Variants in TENM2 observed in about 807,000 individuals in gnomAD.
The protein encoded by TENM2 is teneurin-2.
TENM2 carries 52 observed loss-of-function variants against 245.2 expected under a neutral mutation model. That is an observed-to-expected ratio of 0.21 (90% CI 0.17 to 0.27). The LOEUF (loss-of-function observed/expected upper bound fraction) is 0.27. Among genes scored for constraint, TENM2 ranks in the 10% least tolerant of loss-of-function variants. TENM2 has a pLI of 1.00. For synonymous variants in TENM2, 1,363 were observed against 1,438.9 expected, an observed-to-expected ratio of 0.95 and a Z score of 1.19; for missense variants, 3,046 against 3,666.8, an observed-to-expected ratio of 0.83 and a Z score of 4.37.
chr5:167,446,946 T>C (rs929045042), intron 2 of TENM2, among the ~76,000 whole-genome samples: 1 of 152,176 alleles, frequency 6.6e-6, no homozygotes, highest in Admixed American at 6.5e-5. Context: ...AATATTTGTA[T>C]AATACCAGTT....
At chr5:168,248,649 TA>T (rs1002129088) in intron 27 of TENM2, among the ~76,000 whole-genome samples, 4 of 152,202 alleles carry the variant, frequency 2.6e-5, no homozygotes, top group Non-Finnish European at 4.4e-5. Context: ...AGGAAAGCAG[TA>T]AGAAGCGGGG....
At chr5:168,054,480 A>G (rs750732) in intron 6 of TENM2, among the ~76,000 whole-genome samples, 38,478 of 152,218 alleles carry the variant, frequency 0.25, 5,774 homozygotes, top group African/African-American at 0.42. Context: ...TATTTGCAAT[A>G]GATAAAAATA....
chr5:167,186,691 G>A, the TENM2 span, among the ~76,000 whole-genome samples: 17 of 152,236 alleles, frequency 1.1e-4, no homozygotes, highest in South Asian at 1.5e-3. Context: ...TGTCCTATAT[G>A]GAGAAATAAC....
At chr5:167,598,959 C>T (rs1776414855) in intron 2 of TENM2, among the ~76,000 whole-genome samples, 2 of 152,076 alleles carry the variant, frequency 1.3e-5, no homozygotes, top group African/African-American at 4.8e-5. Flanking sequence ...CCTAGCAAAG[C>T]CTCAAAGATT....
intron 2 of TENM2, among the ~76,000 whole-genome samples, chr5:167,812,820 C>T (rs1234469859): frequency 4.6e-5 from 7 of 152,128 alleles, no homozygotes; most frequent in African/African-American, 4.8e-5. Flanking sequence ...ATGAGAAAGG[C>T]AGTGAGAGTG....
intron 2 of TENM2, among the ~76,000 whole-genome samples, chr5:167,514,888 G>A: frequency 6.6e-6 from 1 of 152,136 alleles, no homozygotes; most frequent in Non-Finnish European, 1.5e-5. Flanking sequence ...GCGGGTGCCT[G>A]TAATTCCAGC....
intron 2 of TENM2, among the ~76,000 whole-genome samples, chr5:167,702,552 G>GTATATATATATATATATATATA (rs374895330): frequency 7.3e-6 from 1 of 136,782 alleles, no homozygotes; most frequent in African/African-American, 2.9e-5. Context: ...GTGTGTGTGT[G>GTATATATATATATATATATATA]TATATATATA....
intron 1 of TENM2, among the ~76,000 whole-genome samples, chr5:167,351,865 TAAAAC>T (rs1169616125): frequency 6.7e-6 from 1 of 148,408 alleles, no homozygotes; most frequent in African/African-American, 2.5e-5. Context: ...AAAAAAAAAA[TAAAAC>T]CACAATTTCA....
chr5:168,236,894 T>C (rs926594419), intron 25 of TENM2, among the ~76,000 whole-genome samples: 1 of 124,614 alleles, frequency 8.0e-6, no homozygotes, highest in African/African-American at 3.0e-5. Context: ...AATAGGTCTT[T>C]GGAATGAAGC....
intron 13 of TENM2, among the ~76,000 whole-genome samples, chr5:168,176,051 C>T (rs933267075): frequency 6.6e-6 from 1 of 152,228 alleles, no homozygotes; most frequent in African/African-American, 2.4e-5. Flanking sequence ...TACCTGGCCT[C>T]TCCATTCCCT....
intron 2 of TENM2, among the ~76,000 whole-genome samples, chr5:167,852,457 A>T (rs1377629453): frequency 1.3e-5 from 2 of 152,234 alleles, no homozygotes; most frequent in African/African-American, 4.8e-5. Context: ...AAAGACATTC[A>T]GCAGCTGCAA....
At chr5:167,759,794 G>C (rs774628354) in intron 2 of TENM2, among the ~76,000 whole-genome samples, 5 of 152,158 alleles carry the variant, frequency 3.3e-5, no homozygotes, top group Non-Finnish European at 7.3e-5. Context: ...CCATGAGCCT[G>C]GATGTTCCTA....
chr5:167,358,838 C>G (rs1192003381), intron 1 of TENM2, among the ~76,000 whole-genome samples: 1 of 124,216 alleles, frequency 8.1e-6, no homozygotes, highest in South Asian at 2.4e-4. Context: ...CACACACACA[C>G]ACACACACAC....
intron 2 of TENM2, among the ~76,000 whole-genome samples, chr5:167,390,354 G>T (rs773233740): frequency 8.5e-5 from 13 of 152,112 alleles, no homozygotes; most frequent in Non-Finnish European, 1.6e-4. Context: ...ACAAACCAAG[G>T]ATAGAATTGC....
At chr5:168,142,216 C>T (rs1369449914) in intron 12 of TENM2, among the ~76,000 whole-genome samples, 6 of 152,178 alleles carry the variant, frequency 3.9e-5, no homozygotes, top group South Asian at 4.1e-4. Context: ...GGAGTTTGGC[C>T]ACTAGAGTTT....
Position 167,321,799 on chromosome 5 carries a change from T to TTTTTTTTGG in TENM2, c.226+36738_226+36739insTTTTTGGTT, listed in dbSNP as rs1361021247. 6.8e-4 allele frequency among the ~76,000 whole-genome samples: 13 copies of TTTTTTTTGG among 19,236 alleles called. 1 individual carries two copies. The highest frequency in any genetic ancestry group is 1.7e-3 in the African/African-American group (9 of 5,408). 12.6% of individuals were successfully genotyped at this position (19,236 alleles called of 152,430 possible). On this transcript the variant is annotated intron_variant, in intron 1 of 28. Transcript: ENST00000518659. ...TGCCTTGGCTTATTTTTTTTTTTTT[T>TTTTTTTTGG]TTGGGGGGGGGGGCGGGGGGGGGGG...
chr5:168,179,981 A>T (rs989345940), intron 13 of TENM2, among the ~76,000 whole-genome samples: 1 of 152,134 alleles, frequency 6.6e-6, no homozygotes, highest in Non-Finnish European at 1.5e-5. Context: ...CCCCACTCTA[A>T]AATGCACTGG....
chr5:167,106,157 T>G, the TENM2 span, among the ~76,000 whole-genome samples: 2 of 152,134 alleles, frequency 1.3e-5, no homozygotes, highest in Non-Finnish European at 2.9e-5. Flanking sequence ...TATTCCTGTA[T>G]TGGTTTATAG....
chr5:167,953,824 CTGGAAGCAATTT>C (rs1780313127), intron 4 of TENM2, among the ~76,000 whole-genome samples: 1 of 152,130 alleles, frequency 6.6e-6, no homozygotes, highest in Non-Finnish European at 1.5e-5. Flanking sequence ...CTTCACACAG[CTGGAAGCAATTT>C]TGAAAGTAGC....
Sources: allele counts gnomAD v4.1 joint callset (sites outside exome capture counted in the v4.1 genomes callset), GRCh38; gene constraint gnomAD v4.1.1; transcripts MANE v1.5; gene names NCBI Gene and HGNC (gene_info 2026-07-23, HGNC 2026-07-21).